Variants in FOXK1 observed in about 807,000 individuals in gnomAD.
FOXK1 encodes the protein forkhead box protein K1.
FOXK1 carries 19 observed loss-of-function variants against 51.9 expected under a neutral mutation model. The observed-to-expected ratio is 0.37, with a 90% CI of 0.26 to 0.54. FOXK1 has a LOEUF of 0.54. FOXK1 is among the 20% of genes least tolerant of loss of function. The pLI is 0.87. For missense variants in FOXK1, 870 were observed against 1,032.7 expected, an observed-to-expected ratio of 0.84 and a Z score of 2.16; for synonymous variants, 537 against 482.6, an observed-to-expected ratio of 1.11 and a Z score of -1.48.
At chr7:4,713,747 C>G (rs1030021033) in intron 1 of FOXK1, among the ~76,000 whole-genome samples, 1 of 151,772 alleles carries the variant, frequency 6.6e-6, no homozygotes, top group Non-Finnish European at 1.5e-5. Context: ...GCCTTGGCCG[C>G]TCAAAGTGTT....
rs1258905702 is a variant in FOXK1, at chr7:4,709,493, C to T, written c.560+26625C>T. Among the ~76,000 whole-genome samples the T allele has an allele frequency of 2.0e-5, 3 of 152,146 alleles. No homozygotes were observed. The highest frequency in any genetic ancestry group is 6.5e-5 in the Admixed American group (1 of 15,282). On this transcript the variant is annotated intron_variant, in intron 1 of 8. Coordinates refer to ENST00000328914, the MANE Select transcript of FOXK1 (RefSeq NM_001037165.2). This position sits in a 1 kb window ranked among gnomAD's most constrained non-coding sequence, Gnocchi z 5.6. ...CGAGGCTGGCCCACCCCTGCTGGCC[C>T]GCGACCCCTGCTGGCAGATCGAGGC...
intron 1 of FOXK1, among the ~76,000 whole-genome samples, chr7:4,702,916 C>T (rs1780038100): frequency 6.6e-6 from 1 of 152,172 alleles, no homozygotes; most frequent in Non-Finnish European, 1.5e-5. Flanking sequence ...CCCAGCCTGC[C>T]CGCCCTACCC....
At chr7:4,739,255 A>G (rs1387554235) in intron 1 of FOXK1, among the ~76,000 whole-genome samples, 2 of 152,004 alleles carry the variant, frequency 1.3e-5, no homozygotes, top group Non-Finnish European at 2.9e-5. Context: ...GCCTTCGGGA[A>G]CTCTGAAAAG....
At position 4,755,904 on chromosome 7, in the gene FOXK1, C is replaced by T. The variant is rs1780845198; in HGVS notation, c.1050+521C>T. Among the ~76,000 whole-genome samples the T allele has an allele frequency of 6.6e-6, 1 of 152,176 alleles. No individual in the cohort carries two copies. Among genetic ancestry groups the T allele is most frequent in the African/African-American group, 2.4e-5 (1 of 41,434 alleles). ...CCCCAGAACTGAGAAGATGGATCTA[C>T]ACCTTGTTAGATTTTTGTGCTTGCT... is the stretch of plus-strand genomic sequence containing the variant. On this transcript the variant is annotated intron_variant, in intron 4 of 8. Coordinates refer to ENST00000328914, the MANE Select transcript of FOXK1 (RefSeq NM_001037165.2). The surrounding 1 kb of genome is among the most constrained non-coding windows in gnomAD (Gnocchi z 6.6).
chr7:4,727,990 C>A (rs1780402252), intron 1 of FOXK1, among the ~76,000 whole-genome samples: 1 of 152,120 alleles, frequency 6.6e-6, no homozygotes, highest in Non-Finnish European at 1.5e-5. Context: ...TAGACAGATA[C>A]CAATCACTGC....
At position 4,729,427 on chromosome 7, in the gene FOXK1, TGA is replaced by T. The variant is rs1478897220; in HGVS notation, c.561-11409_561-11408del. ...GATTGGGAAGCAGTCACCTACCAGATGAGCGTTCCTTCCGCGAAGGGAAGGTG... is the reference window on the plus strand; with the variant it reads ...GATTGGGAAGCAGTCACCTACCAGATGCGTTCCTTCCGCGAAGGGAAGGTG... On this transcript the variant is annotated intron_variant, in intron 1 of 8. Transcript: ENST00000328914. The surrounding 1 kb of genome is among the most constrained non-coding windows in gnomAD (Gnocchi z 6.2). 2.6e-5 allele frequency among the ~76,000 whole-genome samples: 4 copies of T among 152,152 alleles called. No homozygotes were observed. Among genetic ancestry groups the T allele is most frequent in the Admixed American group, 2.6e-4 (4 of 15,274 alleles).
chr7:4,683,705 C>T lies in FOXK1; in HGVS notation c.560+837C>T, dbSNP rs1319874697. On this transcript the variant is annotated intron_variant, in intron 1 of 8. Coordinates refer to ENST00000328914, the MANE Select transcript of FOXK1 (RefSeq NM_001037165.2). The surrounding 1 kb of genome is among the most constrained non-coding windows in gnomAD (Gnocchi z 4.5). The stretch of plus-strand genomic sequence containing the variant: ...GCCTGATGCCTGCCGTCCTGGACCC[C>T]AGTGGCTACCCCTGACCCTGTCTGG... Among the ~76,000 whole-genome samples the T allele has an allele frequency of 6.6e-6, 1 of 152,168 alleles. No individual in the cohort carries two copies. The highest frequency in any genetic ancestry group is 2.4e-5 in the African/African-American group (1 of 41,456).
rs552782607 is a variant in FOXK1, at chr7:4,730,420, C to T, written c.561-10418C>T. ...GGAGAACAGGGTTGTGGCATGGACC[C>T]AAAAGTGGAGTCACGGTTGCAGCTC... is the stretch of plus-strand genomic sequence containing the variant. On this transcript the variant is annotated intron_variant, in intron 1 of 8. Transcript: ENST00000328914. This position sits in a 1 kb window ranked among gnomAD's most constrained non-coding sequence, Gnocchi z 4.7. 1.3e-5 allele frequency among the ~76,000 whole-genome samples: 2 copies of T among 152,182 alleles called. No homozygotes were observed. The highest frequency in any genetic ancestry group is 1.5e-5 in the Non-Finnish European group (1 of 68,016).
rs906480504 is a variant in FOXK1, at chr7:4,763,400, G to C, written c.*936G>C. 1 of 152,384 alleles carries C rather than the reference G, an allele frequency of 6.6e-6. No individual in the cohort carries two copies. Among genetic ancestry groups the C allele is most frequent in the African/African-American group, 2.4e-5 (1 of 41,456 alleles). 9.4% of individuals were successfully genotyped at this position (152,384 alleles called of 1,614,324 possible). A position where few individuals can be genotyped will look rare whatever the true frequency, so the allele number is the denominator to read the frequency against. On this transcript the variant is annotated 3_prime_UTR_variant, in exon 9 of 9. Coordinates refer to ENST00000328914, the MANE Select transcript of FOXK1 (RefSeq NM_001037165.2). ...GTCCCGGTGCTGACGGCCACATGGG[G>C]ACCTAACAGTGCCAAACGCCATCTG...
chr7:4,713,911 C>T (rs1488426784), intron 1 of FOXK1, among the ~76,000 whole-genome samples: 1 of 151,898 alleles, frequency 6.6e-6, no homozygotes, highest in African/African-American at 2.4e-5. Flanking sequence ...CTGCAACCTC[C>T]ACCTCCCGAG....
rs747075130 is a variant in FOXK1 at position 4,762,363 on chromosome 7, G to A, written c.2101G>A (p.Glu701Lys). The A allele has an allele frequency of 7.1e-6, 11 of 1,550,522 alleles. No homozygotes were observed. The highest frequency in any genetic ancestry group is 2.4e-5 in the East Asian group (1 of 40,930). Residue 701 changes from glutamate (E) to lysine (K), a missense_variant, in exon 9 of 9, where the codon GAG becomes AAG. By Grantham distance (56) the Glu-to-Lys change is moderately conservative (BLOSUM62 1). Coordinates refer to ENST00000328914, the MANE Select transcript of FOXK1 (RefSeq NM_001037165.2). This position sits in a 1 kb window ranked among gnomAD's most constrained non-coding sequence, Gnocchi z 5.7. Reference sequence around the variant, plus strand: ...CTCCGCCTCTTCCACTGGAGAGCCCGAGGTCAAAAGGTCCCGGGTGGAGGA... The same window carrying A: ...CTCCGCCTCTTCCACTGGAGAGCCCAAGGTCAAAAGGTCCCGGGTGGAGGA... ...SASASSTGEP[E>K]VKRSRVEEPS...
chr7:4,754,652 C>T (rs1049417558), intron 3 of FOXK1, 37 bp downstream of exon 3: 4 of 1,588,610 alleles, frequency 2.5e-6, no homozygotes, highest in Non-Finnish European at 3.4e-6. Context: ...CACCTGGTGA[C>T]CCAGGATCGG....
rs374959543 is a variant in FOXK1, at chr7:4,731,758, CAAAAAAAAAA to C, written c.561-9070_561-9061del. On this transcript the variant is annotated intron_variant, in intron 1 of 8. Transcript: ENST00000328914. The surrounding 1 kb of genome is among the most constrained non-coding windows in gnomAD (Gnocchi z 5.3). ...TGGGCAACAAAGCGAAACTCTGCCT[CAAAAAAAAAA>C]AAAAAAAAAGAAAACAGAGAGGCCT... Among the ~76,000 whole-genome samples the C allele has an allele frequency of 1.5e-5, 1 of 68,672 alleles. No homozygotes were observed. Among genetic ancestry groups the C allele is most frequent in the East Asian group, 5.6e-4 (1 of 1,800 alleles). The allele number at this position is 68,672 out of a possible 152,430, so 45.1% of individuals were successfully genotyped here.
chr7:4,726,822 A>G (rs1780387044), intron 1 of FOXK1, among the ~76,000 whole-genome samples: 1 of 152,230 alleles, frequency 6.6e-6, no homozygotes, highest in Admixed American at 6.5e-5. Flanking sequence ...AACTCTGTGT[A>G]TTCATACATC....
At chr7:4,695,078 T>C (rs1331465978) in intron 1 of FOXK1, among the ~76,000 whole-genome samples, 3 of 152,244 alleles carry the variant, frequency 2.0e-5, no homozygotes, top group Admixed American at 6.5e-5. Flanking sequence ...GCCTTAGCCA[T>C]GAGGCTCCAG....
At chr7:4,697,819 AT>A (rs1488072618) in intron 1 of FOXK1, among the ~76,000 whole-genome samples, 2 of 124,122 alleles carry the variant, frequency 1.6e-5, no homozygotes, top group Non-Finnish European at 3.5e-5. Flanking sequence ...ATAGTAACTA[AT>A]TTTTTTTTCT....
chr7:4,691,637 A>G (rs897735545), intron 1 of FOXK1, among the ~76,000 whole-genome samples: 2 of 152,142 alleles, frequency 1.3e-5, no homozygotes, highest in African/African-American at 2.4e-5. Flanking sequence ...CGCCCAGCCC[A>G]GGCCATTATA....
At position 4,729,341 on chromosome 7, in the gene FOXK1, T is replaced by G. The variant is rs1405909233; in HGVS notation, c.561-11497T>G. ...CCGCCGTTTGGCCGTGTCAGTCATC[T>G]GGGGGTCCCTTAGCCTCCGCAGAGT... On this transcript the variant is annotated intron_variant, in intron 1 of 8. Coordinates refer to ENST00000328914, the MANE Select transcript of FOXK1 (RefSeq NM_001037165.2). This position sits in a 1 kb window ranked among gnomAD's most constrained non-coding sequence, Gnocchi z 6.2. 6.6e-6 allele frequency among the ~76,000 whole-genome samples: 1 copy of G among 152,188 alleles called. No individual in the cohort carries two copies.
At chr7:4,739,361 G>C (rs1017451964) in intron 1 of FOXK1, among the ~76,000 whole-genome samples, 2 of 152,208 alleles carry the variant, frequency 1.3e-5, no homozygotes, top group African/African-American at 2.4e-5. Context: ...GGCGGCCAGC[G>C]TTCCTTATCT....
Sources: gnomAD v4.1 joint callset for allele counts (sites outside exome capture counted in the v4.1 genomes callset) on GRCh38, gnomAD v4.1.1 for gene constraint, Gnocchi (gnomAD v3.1) non-coding constraint, MANE v1.5 for transcripts, NCBI Gene and HGNC (gene_info 2026-07-23, HGNC 2026-07-21) for gene names.